RHOT1: variants seen among roughly 807,000 people sequenced by gnomAD.
RHOT1 encodes mitochondrial Rho GTPase 1.
RHOT1 carries 27 observed loss-of-function variants against 95.3 expected under a neutral mutation model. The observed-to-expected ratio is 0.28, with a 90% CI of 0.21 to 0.39. RHOT1 has a LOEUF of 0.39. Among genes scored for constraint, RHOT1 ranks in the 10% least tolerant of loss-of-function variants. RHOT1 has a pLI of 1.00. For synonymous variants in RHOT1, 227 were observed against 263.5 expected, an observed-to-expected ratio of 0.86 and a Z score of 1.34; for missense variants, 578 against 786.7, an observed-to-expected ratio of 0.73 and a Z score of 3.17.
chr17:32,148,412 G>A (rs8069167), intron 1 of RHOT1, among the ~76,000 whole-genome samples: 1,845 of 152,316 alleles, frequency 0.012, 32 homozygotes, highest in African/African-American at 0.042. Flanking sequence ...TATTCTGTTC[G>A]TACAGAGTCC....
chr17:32,175,222 G>C, intron 3 of RHOT1, 97 bp from the exon 4 acceptor site: 1 of 1,002,650 alleles, frequency 1.0e-6, no homozygotes, highest in South Asian at 1.4e-5. Flanking sequence ...ATGTCATTTT[G>C]AGGGATGTTA....
intron 3 of RHOT1, among the ~76,000 whole-genome samples, 164 bp downstream of exon 3, chr17:32,174,076 T>C (rs1007380814): frequency 6.6e-6 from 1 of 152,198 alleles, no homozygotes; most frequent in African/African-American, 2.4e-5. Context: ...ACCTCTACCC[T>C]ATACCCCACC....
intron 1 of RHOT1, among the ~76,000 whole-genome samples, chr17:32,166,879 A>T (rs1339591021): frequency 6.6e-6 from 1 of 152,158 alleles, no homozygotes; most frequent in African/African-American, 2.4e-5. Context: ...ACTCCTGATA[A>T]TGTTACTTTG....
At chr17:32,150,958 T>TTGCTGCTGCTGCTGCTGC in intron 1 of RHOT1, 1 of 1,547,552 alleles carries the variant, frequency 6.5e-7, no homozygotes. Context: ...GCTTTGCTGA[T>TTGCTGCTGCTGCTGCTGC]TGCTGCTGCT....
intron 17 of RHOT1, 180 bp downstream of exon 17, chr17:32,207,209 A>G: frequency 1.9e-6 from 1 of 535,948 alleles, no homozygotes; most frequent in East Asian, 3.1e-5. Context: ...AGTCTCAGAC[A>G]TACATATTTC....
At position 32,199,355 on chromosome 17, in the gene RHOT1, G is replaced by C. The variant is rs751917051; in HGVS notation, c.955-50G>C. 23 of 1,548,236 alleles carry C rather than the reference G, an allele frequency of 1.5e-5. No homozygotes were observed. In the East Asian group the frequency reaches 5.0e-4, roughly 34 times the overall value. ...CTAGATTGGGGGGCTTTTGAGTTGG[G>C]AATTATTATCTTAGATATCTAAACA... On this transcript the variant is annotated intron_variant, in intron 12 of 19. Transcript: ENST00000545287.
rs377487321 is a variant in RHOT1, at chr17:32,203,862, A to T, written c.1333-28A>T. 1.4e-5 allele frequency: 22 copies of T among 1,528,440 alleles called. No individual in the cohort carries two copies. In the African/African-American group the frequency reaches 2.9e-4, roughly 20 times the overall value. 94.7% of individuals were successfully genotyped at this position (1,528,440 alleles called of 1,614,324 possible). On this transcript the variant is annotated intron_variant, in intron 15 of 19. Transcript: ENST00000545287. ...TATTGTTGAAAACTAGTTACTGCAG[A>T]TATTGAGATTTTCGGTTCTGTTTTC...
chr17:32,218,980 G>A (rs12946362), intron 19 of RHOT1, among the ~76,000 whole-genome samples: 1 of 152,040 alleles, frequency 6.6e-6, no homozygotes, highest in Non-Finnish European at 1.5e-5. Flanking sequence ...GGTTGTTTTA[G>A]GGTATTATCT....
In RHOT1 at chr17:32,172,297, G is replaced by A. The variant is rs370751550; in HGVS notation, c.96+1196G>A. On this transcript the variant is annotated intron_variant, in intron 2 of 19. Transcript: ENST00000545287. Reference sequence around the variant, plus strand: ...AATTTAAGAAATGAAGTATATTTTCGTGTATTATTTGTAGAATCAGTAACA... The same window carrying A: ...AATTTAAGAAATGAAGTATATTTTCATGTATTATTTGTAGAATCAGTAACA... 4.6e-5 allele frequency among the ~76,000 whole-genome samples: 7 copies of A among 152,084 alleles called. No individual in the cohort carries two copies. The East Asian group carries it at 9.7e-4, about 21-fold the overall frequency.
chr17:32,212,910 T>C (rs1447462158), intron 19 of RHOT1, among the ~76,000 whole-genome samples: 2 of 152,184 alleles, frequency 1.3e-5, no homozygotes, highest in Admixed American at 6.5e-5. Flanking sequence ...TGTCTTCATC[T>C]GAAAGCCCCT....
At chr17:32,168,765 C>T (rs935975615) in intron 1 of RHOT1, among the ~76,000 whole-genome samples, 1 of 151,986 alleles carries the variant, frequency 6.6e-6, no homozygotes, top group African/African-American at 2.4e-5. Context: ...AAAGAGAAAG[C>T]ATTGGCTTGG....
chr17:32,156,366 A>T (rs1395416396), intron 1 of RHOT1, among the ~76,000 whole-genome samples: 1 of 152,202 alleles, frequency 6.6e-6, no homozygotes, highest in Non-Finnish European at 1.5e-5. Context: ...TCCTGGGCTC[A>T]GATGATCCTC....
At chr17:32,221,370 CAAA>C (rs397805349) in intron 19 of RHOT1, among the ~76,000 whole-genome samples, 13 of 67,962 alleles carry the variant, frequency 1.9e-4, no homozygotes, top group East Asian at 4.5e-4. Flanking sequence ...TCGTCTGTCT[CAAA>C]AAAAAAAAAA....
chr17:32,162,957 G>A (rs1395685713), intron 1 of RHOT1, among the ~76,000 whole-genome samples: 1 of 152,114 alleles, frequency 6.6e-6, no homozygotes, highest in Non-Finnish European at 1.5e-5. Context: ...ACTGTGAGGT[G>A]GGCAGGATTT....
intron 6 of RHOT1, among the ~76,000 whole-genome samples, chr17:32,176,637 A>G (rs987294201): frequency 2.6e-5 from 4 of 151,930 alleles, no homozygotes; most frequent in Middle Eastern, 3.5e-3. Flanking sequence ...TAGGAGCACA[A>G]TCTTGGCTCC....
At chr17:32,223,939 A>G (rs1008643685) in intron 19 of RHOT1, among the ~76,000 whole-genome samples, 5 of 152,100 alleles carry the variant, frequency 3.3e-5, no homozygotes, top group Admixed American at 6.6e-5. Flanking sequence ...ATTTTATGTC[A>G]TTGCCTTTCA....
chr17:32,161,498 A>G (rs1027128500), intron 1 of RHOT1, among the ~76,000 whole-genome samples: 2 of 152,230 alleles, frequency 1.3e-5, no homozygotes, highest in South Asian at 2.1e-4. Flanking sequence ...ATCTTAGCAG[A>G]ATTCAGGTCC....
At chr17:32,150,536 TG>T in intron 1 of RHOT1, 1 of 1,508,404 alleles carries the variant, frequency 6.6e-7, no homozygotes, top group South Asian at 1.2e-5. Flanking sequence ...CAGGTTTGTG[TG>T]GGAGATAGGC....
Position 32,206,972 on chromosome 17 carries a change from C to T in RHOT1, c.1479C>T (p.Cys493=). 6.2e-7 allele frequency: 1 copy of T among 1,611,400 alleles called. No homozygotes were observed. Among genetic ancestry groups the T allele is most frequent in the Non-Finnish European group, 8.5e-7 (1 of 1,178,062 alleles). The part of the protein sequence containing the change: ...TEAEIICDVV[C]LVYDVSNPKS... ...CTGAAATCATTTGTGATGTTGTATG[C>T]CTGGTATATGATGTCAGCAATCCCA... Residue 493 remains cysteine (C), a synonymous_variant, in exon 17 of 20, where the codon TGC becomes TGT. Transcript: ENST00000545287.
Sources: gnomAD v4.1 joint callset for allele counts (sites outside exome capture counted in the v4.1 genomes callset) on GRCh38, gnomAD v4.1.1 for gene constraint, MANE v1.5 for transcripts, NCBI Gene and HGNC (gene_info 2026-07-23, HGNC 2026-07-21) for gene names.